Variants in PRICKLE2 observed in about 807,000 individuals in gnomAD.
The protein encoded by PRICKLE2 is prickle-like protein 2.
A neutral mutation model predicts 81.4 loss-of-function variants in PRICKLE2; 21 were observed. The observed-to-expected ratio is 0.26, with a 90% confidence interval of 0.18 to 0.37. The LOEUF is 0.37. Among genes scored for constraint, PRICKLE2 ranks in the 10% least tolerant of loss-of-function variants. The pLI, the probability that PRICKLE2 is intolerant of heterozygous loss-of-function variation, is 1.00. For synonymous variants in PRICKLE2, 456 were observed against 421.5 expected (o/e 1.08, Z -1.00); for missense variants, 940 against 1,109.0 (o/e 0.85, Z 2.16).
chr3:64,113,202 G>T (rs1490130631), intron 7 of PRICKLE2, among the ~76,000 whole-genome samples: 2 of 152,206 alleles, frequency 1.3e-5, no homozygotes, highest in African/African-American at 2.4e-5. Flanking sequence ...TAGCCCAGAG[G>T]GTTTGCTGTG....
chr3:64,248,352 G>A (rs1304467595), intron 2 of PRICKLE2, among the ~76,000 whole-genome samples: 1 of 152,164 alleles, frequency 6.6e-6, no homozygotes, highest in Admixed American at 6.5e-5. Flanking sequence ...AACTCAAAGG[G>A]AAATTGACTC....
At chr3:64,189,659 T>C (rs1490645535) in intron 2 of PRICKLE2, among the ~76,000 whole-genome samples, 1 of 152,258 alleles carries the variant, frequency 6.6e-6, no homozygotes, top group Non-Finnish European at 1.5e-5. Context: ...GGACTGTTTA[T>C]TCACGCAAAC....
intron 2 of PRICKLE2, among the ~76,000 whole-genome samples, chr3:64,239,075 T>C (rs2079223792): frequency 1.3e-5 from 2 of 152,136 alleles, no homozygotes; most frequent in African/African-American, 4.8e-5. Flanking sequence ...CCCAGACGGA[T>C]GTCAGAGCAG....
chr3:64,199,025 G>A, intron 1 of PRICKLE2, 58 bp from the exon 2 acceptor site: 1 of 1,504,686 alleles, frequency 6.6e-7, no homozygotes, highest in Non-Finnish European at 9.0e-7. Flanking sequence ...TTTTTTCCAA[G>A]AGCCTGCCAG....
intron 1 of PRICKLE2, among the ~76,000 whole-genome samples, chr3:64,214,270 G>A (rs1478363586): frequency 6.6e-6 from 1 of 152,184 alleles, no homozygotes; most frequent in Non-Finnish European, 1.5e-5. Context: ...ATGTTGCTCA[G>A]CAAAGGAGGC....
intron 4 of PRICKLE2, among the ~76,000 whole-genome samples, chr3:64,158,695 G>T (rs1409911733): frequency 1.3e-5 from 2 of 152,170 alleles, no homozygotes; most frequent in Non-Finnish European, 2.9e-5. Flanking sequence ...CCTGGATGGA[G>T]CACAGTGAAT....
intron 2 of PRICKLE2, among the ~76,000 whole-genome samples, chr3:64,178,173 G>T (rs1575624361): frequency 6.6e-6 from 1 of 152,156 alleles, no homozygotes; most frequent in South Asian, 2.1e-4. Context: ...ATCTTTTCAT[G>T]TGCTTATCAG....
chr3:64,198,603 G>A (rs1255052045), intron 2 of PRICKLE2, 181 bp downstream of exon 2: 1 of 684,448 alleles, frequency 1.5e-6, no homozygotes, highest in African/African-American at 1.8e-5. Context: ...GATCACTCCT[G>A]GCTCAATTTC....
chr3:64,111,528 G>A (rs915179540), intron 7 of PRICKLE2, among the ~76,000 whole-genome samples: 8 of 152,196 alleles, frequency 5.3e-5, no homozygotes, highest in African/African-American at 1.7e-4. Flanking sequence ...TACAGATCCA[G>A]TGACACTCCC....
intron 1 of PRICKLE2, among the ~76,000 whole-genome samples, chr3:64,214,748 C>T (rs979258459): frequency 2.6e-5 from 4 of 152,130 alleles, no homozygotes; most frequent in African/African-American, 2.4e-5. Context: ...TCCGATTTGA[C>T]AAGGTGCTGG....
At chr3:64,266,267 G>A (rs1319822313) in intron 2 of PRICKLE2, among the ~76,000 whole-genome samples, 1 of 151,878 alleles carries the variant, frequency 6.6e-6, no homozygotes, top group Non-Finnish European at 1.5e-5. Flanking sequence ...GAAGAAGAAC[G>A]GTTTTCTGGT....
At chr3:64,248,349 A>C (rs760235625) in intron 2 of PRICKLE2, among the ~76,000 whole-genome samples, 4 of 152,230 alleles carry the variant, frequency 2.6e-5, no homozygotes, top group Non-Finnish European at 5.9e-5. Flanking sequence ...GTCAACTCAA[A>C]GGGAAATTGA....
chr3:64,208,896 A>G (rs72882368), intron 1 of PRICKLE2, among the ~76,000 whole-genome samples: 2,289 of 152,232 alleles, frequency 0.015, 56 homozygotes, highest in African/African-American at 0.052. Context: ...TATTCCATCC[A>G]TATCCATCCA....
chr3:64,196,252 AGCAGG>A (rs2107109990), intron 2 of PRICKLE2, among the ~76,000 whole-genome samples: 1 of 152,344 alleles, frequency 6.6e-6, no homozygotes, highest in Admixed American at 6.5e-5. Context: ...ACTCTATTTA[AGCAGG>A]AAACTGACAA....
chr3:64,145,276 A>C (rs1406344870), intron 7 of PRICKLE2: 1 of 146,160 alleles, frequency 6.8e-6, no homozygotes, highest in South Asian at 2.1e-4. Flanking sequence ...ATTTATATAT[A>C]TATATATAAT....
rs147782626 is a variant in PRICKLE2 at position 64,137,737 on chromosome 3, C to T, written c.1660+9093G>A. Among the ~76,000 whole-genome samples, 13 of 152,210 alleles carry T rather than the reference C, an allele frequency of 8.5e-5. No homozygotes were observed. The East Asian group carries it at 1.5e-3, about 18-fold the overall frequency. On this transcript the variant is annotated intron_variant, in intron 7 of 7. Coordinates refer to ENST00000638394, the MANE Select transcript of PRICKLE2 (RefSeq NM_198859.4). The stretch of plus-strand genomic sequence containing the variant: ...CAGGAAAGCAAAGCAGAAAAAGAAA[C>T]GAGGGATGGATTCTCCTGGGACTTT...
intron 2 of PRICKLE2, among the ~76,000 whole-genome samples, chr3:64,173,994 G>C (rs904822155): frequency 3.3e-5 from 5 of 152,104 alleles, no homozygotes; most frequent in African/African-American, 9.7e-5. Context: ...AAGAGGATGT[G>C]AGTTAAACAT....
At chr3:64,217,428 C>T (rs1202441910) in intron 1 of PRICKLE2, among the ~76,000 whole-genome samples, 3 of 152,116 alleles carry the variant, frequency 2.0e-5, no homozygotes, top group East Asian at 3.9e-4. Flanking sequence ...ATATCCATCA[C>T]GTAAATAGTG....
At chr3:64,240,129 T>C (rs1331376110) in intron 2 of PRICKLE2, among the ~76,000 whole-genome samples, 1 of 151,956 alleles carries the variant, frequency 6.6e-6, no homozygotes, top group African/African-American at 2.4e-5. Flanking sequence ...AAAAAATAAA[T>C]AAAATTTTCA....
Sources: allele counts gnomAD v4.1 joint callset (sites outside exome capture counted in the v4.1 genomes callset), GRCh38; gene constraint gnomAD v4.1.1; transcripts MANE v1.5; gene names NCBI Gene and HGNC (gene_info 2026-07-23, HGNC 2026-07-21).